Variants in DLGAP1 observed in about 807,000 individuals in gnomAD.
DLGAP1 encodes the protein DLG associated protein 1.
In DLGAP1, 11 loss-of-function variants were observed where a neutral mutation model predicts 90.8. The ratio of observed to expected loss-of-function variants is 0.12; its 90% CI spans 0.08 to 0.20. DLGAP1 has a LOEUF of 0.20. Ranked by LOEUF, DLGAP1 falls within the 10% of genes least tolerant of loss-of-function variation. DLGAP1 has a pLI of 1.00. For synonymous variants in DLGAP1, 558 were observed against 540.7 expected, an observed-to-expected ratio of 1.03 and a Z score of -0.44; for missense variants, 1,050 against 1,333.8, an observed-to-expected ratio of 0.79 and a Z score of 3.31.
chr18:3,651,319 G>A (rs11664085), intron 7 of DLGAP1, among the ~76,000 whole-genome samples: 147,789 of 152,318 alleles, frequency 0.97, 71,731 homozygotes, highest in East Asian at 1. Flanking sequence ...ACAATGTGCC[G>A]CTGCACTCTA....
chr18:4,319,746 G>A (rs982364875), intron 1 of DLGAP1, among the ~76,000 whole-genome samples: 2 of 152,190 alleles, frequency 1.3e-5, no homozygotes, highest in Non-Finnish European at 2.9e-5. Flanking sequence ...GGCATTTTGT[G>A]TCATTAAATC....
At chr18:4,059,201 T>A (rs1262771936) in intron 2 of DLGAP1, among the ~76,000 whole-genome samples, 10 of 152,146 alleles carry the variant, frequency 6.6e-5, no homozygotes, top group Admixed American at 6.5e-4. Flanking sequence ...CATTCCAGAA[T>A]CCTAAAGATG....
chr18:3,607,404 C>G (rs552904068), intron 7 of DLGAP1: 8 of 152,234 alleles, frequency 5.3e-5, no homozygotes, highest in African/African-American at 1.9e-4. Flanking sequence ...GCGATCCACC[C>G]TCCTCAGCCT....
chr18:4,118,587 T>A (rs542461778), intron 2 of DLGAP1, among the ~76,000 whole-genome samples: 198 of 152,280 alleles, frequency 1.3e-3, no homozygotes, highest in African/African-American at 4.7e-3. Flanking sequence ...AAAATGGGGC[T>A]GGAAGATGAG....
intron 7 of DLGAP1, among the ~76,000 whole-genome samples, chr18:3,656,832 T>C (rs565919207): frequency 5.3e-5 from 8 of 152,212 alleles, no homozygotes; most frequent in Non-Finnish European, 1.0e-4. Flanking sequence ...CTGCAACCTC[T>C]GCCTCCTGGG....
At chr18:3,626,857 C>T in intron 7 of DLGAP1, among the ~76,000 whole-genome samples, 1 of 151,922 alleles carries the variant, frequency 6.6e-6, no homozygotes, top group East Asian at 1.9e-4. Context: ...TGAGATCACG[C>T]CACTGCACTC....
intron 5 of DLGAP1, among the ~76,000 whole-genome samples, chr18:3,792,685 C>T (rs990212040): frequency 2.0e-5 from 3 of 152,132 alleles, no homozygotes; most frequent in Non-Finnish European, 2.9e-5. Flanking sequence ...CCACCATCTG[C>T]GGCCACACCT....
At chr18:3,628,072 C>T (rs2058370640) in intron 7 of DLGAP1, among the ~76,000 whole-genome samples, 1 of 151,852 alleles carries the variant, frequency 6.6e-6, no homozygotes, top group African/African-American at 2.4e-5. Context: ...GATGGGCTTT[C>T]ACTATGTTGG....
chr18:3,779,785 C>G (rs917848767), intron 5 of DLGAP1, among the ~76,000 whole-genome samples: 1 of 138,954 alleles, frequency 7.2e-6, no homozygotes, highest in Non-Finnish European at 1.6e-5. Flanking sequence ...TTTACTCTTT[C>G]TTTCTTTTCT....
rs148895452 is a variant in DLGAP1, at chr18:3,713,623, C to T, written c.1591+15512G>A. On this transcript the variant is annotated intron_variant, in intron 7 of 12. Coordinates refer to ENST00000315677, the MANE Select transcript of DLGAP1 (RefSeq NM_004746.4). ...ATAAGCGGCACATTGATGAATTATGCCTTTGCTTATACTTCTATTTTCAGA... is the reference window on the plus strand; with the variant it reads ...ATAAGCGGCACATTGATGAATTATGTCTTTGCTTATACTTCTATTTTCAGA... 3.0e-3 allele frequency among the ~76,000 whole-genome samples: 458 copies of T among 152,242 alleles called. 4 individuals are homozygous for T. The highest frequency in any genetic ancestry group is 0.011 in the African/African-American group (437 of 41,562).
chr18:4,324,514 C>T lies in DLGAP1; in HGVS notation c.-267+130492G>A, dbSNP rs1334738510. Among the ~76,000 whole-genome samples, 14 of 151,938 alleles carry T rather than the reference C, an allele frequency of 9.2e-5. 1 individual carries two copies. Among genetic ancestry groups the T allele is most frequent in the Non-Finnish European group, 1.5e-5 (1 of 67,988 alleles). On this transcript the variant is annotated intron_variant, in intron 1 of 12. Coordinates refer to ENST00000315677, the MANE Select transcript of DLGAP1 (RefSeq NM_004746.4). ...AGCAGGGACTCCTCCCCAACTCATCCTATCAGGCCAATATCATCCAGATAC... is the reference window on the plus strand; with the variant it reads ...AGCAGGGACTCCTCCCCAACTCATCTTATCAGGCCAATATCATCCAGATAC...
At chr18:3,741,144 TCACCATCACCAC>T (rs2062964625) in intron 6 of DLGAP1, among the ~76,000 whole-genome samples, 1 of 32,948 alleles carries the variant, frequency 3.0e-5, no homozygotes, top group African/African-American at 1.1e-4. Flanking sequence ...CACATCACCA[TCACCATCACCAC>T]CACCATCACC....
intron 2 of DLGAP1, among the ~76,000 whole-genome samples, chr18:4,055,491 T>C (rs988456844): frequency 6.6e-6 from 1 of 152,184 alleles, no homozygotes; most frequent in Non-Finnish European, 1.5e-5. Context: ...TTTGCGTCCA[T>C]GTGTACTCAA....
intron 3 of DLGAP1, among the ~76,000 whole-genome samples, chr18:3,953,560 C>G (rs2073029410): frequency 8.5e-6 from 1 of 118,248 alleles, no homozygotes; most frequent in African/African-American, 2.8e-5. Context: ...TATATGTACA[C>G]TACATTTTCT....
At chr18:3,683,868 T>C (rs2060607840) in intron 7 of DLGAP1, among the ~76,000 whole-genome samples, 1 of 152,162 alleles carries the variant, frequency 6.6e-6, no homozygotes, top group Non-Finnish European at 1.5e-5. Context: ...GGAAATCACT[T>C]ACTCTTCAAG....
At chr18:3,637,521 C>T (rs2058759983) in intron 7 of DLGAP1, among the ~76,000 whole-genome samples, 2 of 149,182 alleles carry the variant, frequency 1.3e-5, no homozygotes, top group Admixed American at 6.8e-5. Context: ...ATTGCCTGAG[C>T]CCAGGAGTTC....
chr18:4,227,010 G>A (rs2145019604), intron 1 of DLGAP1, among the ~76,000 whole-genome samples: 2 of 151,700 alleles, frequency 1.3e-5, no homozygotes, highest in Admixed American at 1.3e-4. Flanking sequence ...TAAAAGGGAT[G>A]GAAAAAGATA....
Position 3,965,906 on chromosome 18 carries a change from C to G in DLGAP1, c.-73+39210G>C, listed in dbSNP as rs1394283725. 4.2e-5 allele frequency among the ~76,000 whole-genome samples: 6 copies of G among 141,194 alleles called. No homozygotes were observed. In the Admixed American group the frequency reaches 4.5e-4, roughly 11 times the overall value. The allele number at this position is 141,194 out of a possible 152,430, so 92.6% of individuals were successfully genotyped here. A position where few individuals can be genotyped will look rare whatever the true frequency, so the allele number is the denominator to read the frequency against. On this transcript the variant is annotated intron_variant, in intron 3 of 12. Transcript: ENST00000315677. ...GAGGTTGCCGTGAGCCGAGATCCTA[C>G]CACTGCACTGGGCGACCGGGTAAGA...
intron 2 of DLGAP1, among the ~76,000 whole-genome samples, chr18:4,059,948 C>A (rs1031400651): frequency 3.3e-5 from 5 of 152,116 alleles, no homozygotes; most frequent in African/African-American, 1.2e-4. Context: ...CCTCAGAATA[C>A]CCTCCCAGGT....
Sources: allele counts gnomAD v4.1 joint callset (sites outside exome capture counted in the v4.1 genomes callset), GRCh38; gene constraint gnomAD v4.1.1; transcripts MANE v1.5; gene names NCBI Gene and HGNC (gene_info 2026-07-23, HGNC 2026-07-21).